Variants in KBTBD12 observed in about 807,000 individuals in gnomAD.
KBTBD12 encodes the protein kelch repeat and BTB domain-containing protein 12.
A neutral mutation model predicts 58.7 loss-of-function variants in KBTBD12; 53 were observed. The ratio of observed to expected loss-of-function variants is 0.90; its 90% CI spans 0.72 to 1.14. The LOEUF (loss-of-function observed/expected upper bound fraction) is 1.14. Among genes scored for constraint, KBTBD12 ranks in the 50% most tolerant of loss-of-function variants. The probability of loss-of-function intolerance (pLI) is 0.00; values close to 1 mark genes in which losing one functional copy is unlikely to be tolerated. For synonymous variants in KBTBD12, 236 were observed against 259.8 expected, an observed-to-expected ratio of 0.91 and a Z score of 0.88; for missense variants, 704 against 751.3, an observed-to-expected ratio of 0.94 and a Z score of 0.74.
intron 5 of KBTBD12, among the ~76,000 whole-genome samples, chr3:127,967,984 A>T (rs888079550): frequency 2.0e-5 from 3 of 152,222 alleles, no homozygotes; most frequent in Non-Finnish European, 4.4e-5. Flanking sequence ...CTCACTGGTC[A>T]TTATGAAAAA....
At chr3:127,965,795 C>A (rs1325335113) in intron 5 of KBTBD12, among the ~76,000 whole-genome samples, 1 of 151,912 alleles carries the variant, frequency 6.6e-6, no homozygotes, top group African/African-American at 2.4e-5. Context: ...TAAACACAGA[C>A]AAAGAGAAGA....
intron 4 of KBTBD12, among the ~76,000 whole-genome samples, chr3:127,961,364 T>C (rs1337820711): frequency 1.3e-5 from 2 of 152,204 alleles, no homozygotes; most frequent in South Asian, 2.1e-4. Flanking sequence ...CAGCTCAAAC[T>C]TGGCACTGTA....
At chr3:127,942,136 G>C (rs535907764) in intron 4 of KBTBD12, among the ~76,000 whole-genome samples, 3 of 152,230 alleles carry the variant, frequency 2.0e-5, no homozygotes, top group African/African-American at 7.2e-5. Flanking sequence ...AAGGGGTTTA[G>C]TGTAGTCAGC....
chr3:127,917,753 A>C (rs967419066), intron 1 of KBTBD12, among the ~76,000 whole-genome samples: 11 of 152,364 alleles, frequency 7.2e-5, no homozygotes, highest in African/African-American at 2.2e-4. Flanking sequence ...TATCACAATA[A>C]ATTTTATATG....
chr3:127,922,704 G>C (rs954928776), intron 1 of KBTBD12, among the ~76,000 whole-genome samples: 3 of 152,110 alleles, frequency 2.0e-5, no homozygotes, highest in African/African-American at 2.4e-5. Context: ...TACATGTTGG[G>C]AGGGAAATCT....
At chr3:127,979,227 A>G (rs973674492) in intron 5 of KBTBD12, among the ~76,000 whole-genome samples, 2 of 152,250 alleles carry the variant, frequency 1.3e-5, no homozygotes, top group African/African-American at 4.8e-5. Flanking sequence ...ACCAGGAACC[A>G]AGAAAATATC....
intron 1 of KBTBD12, among the ~76,000 whole-genome samples, chr3:127,922,428 T>A (rs116139748): frequency 0.01 from 1,526 of 152,270 alleles, 13 homozygotes; most frequent in Non-Finnish European, 0.017. Flanking sequence ...CACATCAAAG[T>A]TTGAGCAGAA....
At chr3:127,962,630 A>G (rs1253025925) in intron 4 of KBTBD12, among the ~76,000 whole-genome samples, 2 of 152,224 alleles carry the variant, frequency 1.3e-5, no homozygotes, top group East Asian at 1.9e-4. Flanking sequence ...TGAATGAACT[A>G]TATCATCCAA....
At position 127,945,164 on chromosome 3, in the gene KBTBD12, C is replaced by CTTT. The variant is rs56216317; in HGVS notation, c.1492+14917_1492+14919dup. Among the ~76,000 whole-genome samples, 4 of 28,770 alleles carry CTTT rather than the reference C, an allele frequency of 1.4e-4. 1 individual carries two copies. The highest frequency in any genetic ancestry group is 2.4e-4 in the African/African-American group (2 of 8,426). The allele number at this position is 28,770 out of a possible 152,430, so 18.9% of individuals were successfully genotyped here. On this transcript the variant is annotated intron_variant, in intron 4 of 5. Transcript: ENST00000405109. ...TGTTTTTTTTAAAAATAGTAGCTAT[C>CTTT]TTTTTTTTTTTTTTTTTTTTTTTTT...
chr3:127,966,824 C>A (rs1940581962), intron 5 of KBTBD12, among the ~76,000 whole-genome samples: 1 of 151,912 alleles, frequency 6.6e-6, no homozygotes. Flanking sequence ...TTACAGAACA[C>A]TGGGGAAAAA....
chr3:127,965,668 G>A (rs963240656), intron 5 of KBTBD12, among the ~76,000 whole-genome samples: 1 of 152,178 alleles, frequency 6.6e-6, no homozygotes, highest in Non-Finnish European at 1.5e-5. Context: ...TCAACATTTG[G>A]TGGGAAAGAC....
chr3:127,919,375 C>T (rs903936232), intron 1 of KBTBD12, among the ~76,000 whole-genome samples: 28 of 152,302 alleles, frequency 1.8e-4, no homozygotes, highest in Admixed American at 5.2e-4. Context: ...GGATTACAGG[C>T]GCAAGCCCCA....
At chr3:127,983,621 C>T (rs1476328448) in intron 5 of KBTBD12, among the ~76,000 whole-genome samples, 1 of 152,102 alleles carries the variant, frequency 6.6e-6, no homozygotes, top group African/African-American at 2.4e-5. Flanking sequence ...GGCATGGTGG[C>T]ATGTGCCTGT....
intron 4 of KBTBD12, among the ~76,000 whole-genome samples, chr3:127,937,097 T>C (rs2107596768): frequency 6.6e-6 from 1 of 152,120 alleles, no homozygotes; most frequent in African/African-American, 2.4e-5. Context: ...CAAATAATTT[T>C]CCAAGGAAAA....
intron 4 of KBTBD12, among the ~76,000 whole-genome samples, chr3:127,961,354 C>A (rs1940435256): frequency 6.6e-6 from 1 of 152,206 alleles, no homozygotes; most frequent in South Asian, 2.1e-4. Flanking sequence ...GGAAACGCTG[C>A]AGCTCAAACT....
At chr3:127,920,555 AAAG>A in intron 1 of KBTBD12, among the ~76,000 whole-genome samples, 2 of 152,284 alleles carry the variant, frequency 1.3e-5, no homozygotes, top group Middle Eastern at 3.4e-3. Context: ...GTTTCCTAGA[AAAG>A]AAGGCACGGT....
In KBTBD12 at chr3:127,923,202, G is replaced by A; in HGVS notation, c.141G>A (p.Leu47=). 6.2e-7 allele frequency: 1 copy of A among 1,613,840 alleles called. No individual in the cohort carries two copies. The highest frequency in any genetic ancestry group is 8.5e-7 in the Non-Finnish European group (1 of 1,179,774). The change falls in exon 2 of 6, where the codon CTG becomes CTA. Residue 47 remains leucine (L), a synonymous_variant. Transcript: ENST00000405109. The part of the protein sequence containing the change: ...AEGEKFPCHR[L]VLAAFSPYFK... ...GAGAGAAATTTCCTTGCCACAGACTGGTCCTGGCTGCATTTAGCCCTTATT... is the reference window on the plus strand; with the variant it reads ...GAGAGAAATTTCCTTGCCACAGACTAGTCCTGGCTGCATTTAGCCCTTATT...
At chr3:127,964,696 T>C (rs1940528866) in intron 5 of KBTBD12, among the ~76,000 whole-genome samples, 1 of 151,576 alleles carries the variant, frequency 6.6e-6, no homozygotes, top group South Asian at 2.1e-4. Context: ...TGATATACTG[T>C]CTGAAATTTG....
At position 127,983,385 on chromosome 3, in the gene KBTBD12, A is replaced by G. The variant is rs116935157; in HGVS notation, c.1691-712A>G. Among the ~76,000 whole-genome samples, 92 of 152,290 alleles carry G rather than the reference A, an allele frequency of 6.0e-4. 1 individual carries two copies. The East Asian group carries it at 0.017, about 28-fold the overall frequency. On this transcript the variant is annotated intron_variant, in intron 5 of 5. Coordinates refer to ENST00000405109, the MANE Select transcript of KBTBD12 (RefSeq NM_207335.4). ...GTCTTGCCATGGATCCCTCATGAAT[A>G]GATTAACACCCTCCCTTGGGGGTGA...
Sources: allele counts gnomAD v4.1 joint callset (sites outside exome capture counted in the v4.1 genomes callset), GRCh38; gene constraint gnomAD v4.1.1; transcripts MANE v1.5; gene names NCBI Gene and HGNC (gene_info 2026-07-23, HGNC 2026-07-21).